The following LASP1 variants were observed in gnomAD, a reference collection of about 807,000 sequenced individuals.
LASP1 encodes LIM and SH3 domain protein 1.
A neutral mutation model predicts 38.6 loss-of-function variants in LASP1; 10 were observed. The observed-to-expected ratio is 0.26, with a 90% CI of 0.16 to 0.44. The LOEUF (loss-of-function observed/expected upper bound fraction) is 0.44. Among genes scored for constraint, LASP1 ranks in the 20% least tolerant of loss-of-function variants. LASP1 has a pLI of 1.00. For synonymous variants in LASP1, 132 were observed against 140.8 expected (o/e 0.94, Z 0.44); for missense variants, 243 against 375.7 (o/e 0.65, Z 2.92).
intron 3 of LASP1, among the ~76,000 whole-genome samples, chr17:38,892,057 C>G (rs534109476): frequency 4.3e-4 from 66 of 152,298 alleles, no homozygotes; most frequent in Admixed American, 2.2e-3. Context: ...CCACTACACT[C>G]CAGCCTGGGT....
At chr17:38,874,406 G>A (rs1913699217) in intron 1 of LASP1, among the ~76,000 whole-genome samples, 1 of 152,110 alleles carries the variant, frequency 6.6e-6, no homozygotes, top group African/African-American at 2.4e-5. Flanking sequence ...TTCATCTTAG[G>A]GTCCAGGCTT....
chr17:38,911,731 G>A (rs1914949793), intron 4 of LASP1, among the ~76,000 whole-genome samples: 1 of 152,204 alleles, frequency 6.6e-6, no homozygotes, highest in Non-Finnish European at 1.5e-5. Context: ...AGGCTCACCT[G>A]GAGGTCTTTT....
At chr17:38,878,511 G>A (rs1913847652) in intron 2 of LASP1, among the ~76,000 whole-genome samples, 1 of 152,180 alleles carries the variant, frequency 6.6e-6, no homozygotes, top group Admixed American at 6.5e-5. Flanking sequence ...TCTTTCCACT[G>A]TCCCCTGCTA....
intron 3 of LASP1, among the ~76,000 whole-genome samples, chr17:38,895,579 G>C (rs1040211918): frequency 2.0e-4 from 30 of 152,156 alleles, no homozygotes; most frequent in Non-Finnish European, 7.3e-5. Flanking sequence ...GCCTCCCAAA[G>C]TGGTGGGATT....
intron 2 of LASP1, 95 bp from the exon 3 acceptor site, chr17:38,890,325 G>C (rs1598109963): frequency 1.7e-6 from 2 of 1,192,094 alleles, no homozygotes; most frequent in East Asian, 4.7e-5. Flanking sequence ...CCCAAGCATA[G>C]GACGAAGTTC....
At chr17:38,911,320 C>T (rs952691766) in intron 4 of LASP1, among the ~76,000 whole-genome samples, 1 of 152,166 alleles carries the variant, frequency 6.6e-6, no homozygotes, top group Non-Finnish European at 1.5e-5. Context: ...GCCTGGACTG[C>T]CCTTGAGTGG....
chr17:38,916,500 G>C (rs1915131742), intron 6 of LASP1: 1 of 152,048 alleles, frequency 6.6e-6, no homozygotes, highest in Non-Finnish European at 1.5e-5. Context: ...CCGAGAGGCA[G>C]AGGTTGCAGT....
chr17:38,888,040 G>A (rs1260262335), intron 2 of LASP1, among the ~76,000 whole-genome samples: 2 of 152,142 alleles, frequency 1.3e-5, no homozygotes, highest in African/African-American at 4.8e-5. Flanking sequence ...GTGGTGGGCT[G>A]TGGTCACCCA....
intron 2 of LASP1, among the ~76,000 whole-genome samples, chr17:38,884,357 C>T (rs1449680098): frequency 6.6e-6 from 1 of 150,380 alleles, no homozygotes; most frequent in Non-Finnish European, 1.5e-5. Context: ...CACAGGGCCT[C>T]TTCAGTATCA....
intron 2 of LASP1, among the ~76,000 whole-genome samples, chr17:38,883,727 G>A (rs1052111807): frequency 2.1e-5 from 3 of 146,002 alleles, no homozygotes; most frequent in African/African-American, 7.5e-5. Context: ...CTATATTACC[G>A]ACAGGGGCAG....
In LASP1 at chr17:38,914,270, A is replaced by G; in HGVS notation, c.358-55A>G. On this transcript the variant is annotated intron_variant, in intron 4 of 6. Transcript: ENST00000318008. ...TCCTGGGATCTTGAGGGTCACGGGA[A>G]GGAACTGGGTGGTTTGCAGTGGGAC... 7 of 1,560,872 alleles carry G rather than the reference A, an allele frequency of 4.5e-6. 1 individual carries two copies. The South Asian group carries it at 5.9e-5, about 13-fold the overall frequency.
chr17:38,913,024 C>T (rs1458732670), intron 4 of LASP1, among the ~76,000 whole-genome samples: 2 of 152,166 alleles, frequency 1.3e-5, no homozygotes, highest in Non-Finnish European at 2.9e-5. Flanking sequence ...TGCAGCTTCC[C>T]TCCCCTCCCC....
chr17:38,902,047 G>T (rs1425257866), intron 4 of LASP1, among the ~76,000 whole-genome samples: 1 of 151,958 alleles, frequency 6.6e-6, no homozygotes, highest in African/African-American at 2.4e-5. Flanking sequence ...GATTACAGGC[G>T]TGAGACACCG....
In LASP1 at chr17:38,919,398, C is replaced by G. The variant is rs956754367; in HGVS notation, c.*620C>G. On this transcript the variant is annotated 3_prime_UTR_variant, in exon 7 of 7. Coordinates refer to ENST00000318008, the MANE Select transcript of LASP1 (RefSeq NM_006148.4). The stretch of plus-strand genomic sequence containing the variant: ...CGAATTCATCCCCTCCCCGCGCGTT[C>G]CTTCGCACACTGTGATTTTGCCCTC... The G allele has an allele frequency of 4.1e-6, 1 of 241,108 alleles. No individual in the cohort carries two copies. The highest frequency in any genetic ancestry group is 8.2e-6 in the Non-Finnish European group (1 of 122,146). 14.9% of individuals were successfully genotyped at this position (241,108 alleles called of 1,614,324 possible).
intron 4 of LASP1, among the ~76,000 whole-genome samples, chr17:38,903,445 G>C (rs1240323731): frequency 6.6e-6 from 1 of 152,114 alleles, no homozygotes; most frequent in Non-Finnish European, 1.5e-5. Context: ...CTGCAGCCTC[G>C]AACTCTTGGG....
In LASP1 at chr17:38,919,885, TGA is replaced by T. The variant is rs1915250669; in HGVS notation, c.*1112_*1113del. On this transcript the variant is annotated 3_prime_UTR_variant, in exon 7 of 7. Transcript: ENST00000318008. ...ACACGCAAGTGTGTGAGTGTGAGTG[TGA>T]GAGATGGGGCGGGGGTGTGTCTGTA... 2.0e-6 allele frequency: 1 copy of T among 492,172 alleles called. No homozygotes were observed. Among genetic ancestry groups the T allele is most frequent in the African/African-American group, 1.9e-5 (1 of 52,864 alleles). The allele number at this position is 492,172 out of a possible 1,614,324, so 30.5% of individuals were successfully genotyped here. A position where few individuals can be genotyped will look rare whatever the true frequency, so the allele number is the denominator to read the frequency against.
At position 38,898,276 on chromosome 17, in the gene LASP1, T is replaced by A. The variant is rs1200143476; in HGVS notation, c.250-136T>A. On this transcript the variant is annotated intron_variant, in intron 3 of 6. Transcript: ENST00000318008. ...TTTGGCTGAGGCCTCTGCTTTGAGT[T>A]GGGGACTTCTGATCAGGGTCTTTCT... 3.7e-5 allele frequency: 22 copies of A among 592,166 alleles called. No individual in the cohort carries two copies. The Admixed American group carries it at 6.6e-4, about 18-fold the overall frequency. The allele number at this position is 592,166 out of a possible 1,614,324, so 36.7% of individuals were successfully genotyped here. A position where few individuals can be genotyped will look rare whatever the true frequency, so the allele number is the denominator to read the frequency against.
At position 38,917,283 on chromosome 17, in the gene LASP1, T is replaced by A. The variant is rs180973274; in HGVS notation, c.613-1322T>A. ...AGGTTACTTCATGGGAGGTGTGACT[T>A]CTTATCCCATAGACCTGTTGGTTTC... is the stretch of plus-strand genomic sequence containing the variant. On this transcript the variant is annotated intron_variant, in intron 6 of 6. Coordinates refer to ENST00000318008, the MANE Select transcript of LASP1 (RefSeq NM_006148.4). Among the ~76,000 whole-genome samples, 7 of 152,300 alleles carry A rather than the reference T, an allele frequency of 4.6e-5. No individual in the cohort carries two copies. In the East Asian group the frequency reaches 1.3e-3, roughly 29 times the overall value.
At chr17:38,906,527 A>AAAAT (rs60650093) in intron 4 of LASP1, among the ~76,000 whole-genome samples, 9,585 of 151,176 alleles carry the variant, frequency 0.063, 393 homozygotes, top group Non-Finnish European at 0.078. Context: ...AGACTGTCTC[A>AAAAT]AAATAAATAA....
Sources: allele counts gnomAD v4.1 joint callset (sites outside exome capture counted in the v4.1 genomes callset), GRCh38; gene constraint gnomAD v4.1.1; transcripts MANE v1.5; gene names NCBI Gene and HGNC (gene_info 2026-07-23, HGNC 2026-07-21).